Variants in ERCC1 observed in about 807,000 individuals in gnomAD.
ERCC1 encodes DNA excision repair protein ERCC-1.
A neutral mutation model predicts 37.6 loss-of-function variants in ERCC1; 36 were observed. The observed-to-expected ratio is 0.96, with a 90% confidence interval of 0.73 to 1.26. ERCC1 has a LOEUF of 1.26. Ranked by LOEUF, ERCC1 falls within the 50% of genes most tolerant of loss-of-function variation. ERCC1 has a pLI of 0.00. For synonymous variants in ERCC1, 156 were observed against 162.1 expected, an observed-to-expected ratio of 0.96 and a Z score of 0.28; for missense variants, 349 against 376.5, an observed-to-expected ratio of 0.93 and a Z score of 0.60.
At chr19:45,434,194 G>C (rs1195157188) in intron 1 of ERCC1, among the ~76,000 whole-genome samples, 1 of 146,614 alleles carries the variant, frequency 6.8e-6, no homozygotes, top group East Asian at 2.0e-4. Context: ...AAGAAGAAGA[G>C]ACCTGTCCAT....
chr19:45,411,524 T>C (rs1973736697), intron 9 of ERCC1, among the ~76,000 whole-genome samples: 1 of 152,106 alleles, frequency 6.6e-6, no homozygotes, highest in Admixed American at 6.6e-5. Flanking sequence ...CCGGGCACCA[T>C]GGCTCACACC....
At chr19:45,427,474 G>T (rs2123559055), upstream of ERCC1, among the ~76,000 whole-genome samples, 1 of 152,166 alleles carries the variant, frequency 6.6e-6, no homozygotes, top group African/African-American at 2.4e-5. Flanking sequence ...AATTAGCCGG[G>T]CGTGGTGGCG....
chr19:45,417,177 G>A (rs1974117744), intron 5 of ERCC1, among the ~76,000 whole-genome samples: 1 of 152,192 alleles, frequency 6.6e-6, no homozygotes, highest in South Asian at 2.1e-4. Context: ...TCACCCAATT[G>A]TCACTCTCTA....
At chr19:45,413,791 T>G in intron 8 of ERCC1, 46 bp from the exon 9 acceptor site, 1 of 1,610,528 alleles carries the variant, frequency 6.2e-7, no homozygotes, top group Non-Finnish European at 8.5e-7. Flanking sequence ...CACAAAAGCC[T>G]CCCCTGTCCC....
At chr19:45,432,204 T>C (rs1367764494) in intron 1 of ERCC1, among the ~76,000 whole-genome samples, 1 of 151,910 alleles carries the variant, frequency 6.6e-6, no homozygotes. Flanking sequence ...TCTCCTGACC[T>C]CATGATCCAC....
upstream of ERCC1, among the ~76,000 whole-genome samples, chr19:45,428,088 T>C (rs574820166): frequency 3.9e-4 from 56 of 141,804 alleles, no homozygotes; most frequent in East Asian, 0.01. Context: ...TCTTTCTTTT[T>C]TTTTTTTTTT....
chr19:45,426,068 A>C (rs1461647768), upstream of ERCC1, among the ~76,000 whole-genome samples: 3 of 151,690 alleles, frequency 2.0e-5, no homozygotes, highest in African/African-American at 7.3e-5. Flanking sequence ...ACATGGAGAA[A>C]TCCTATCTCT....
intron 2 of ERCC1, 143 bp downstream of exon 2, chr19:45,423,127 T>G: frequency 5.3e-6 from 4 of 754,744 alleles, no homozygotes; most frequent in Non-Finnish European, 8.7e-6. Flanking sequence ...AACTGGGACC[T>G]GGGGAGGACC....
chr19:45,414,766 G>T (rs1973950566), intron 7 of ERCC1, 95 bp downstream of exon 7: 3 of 870,638 alleles, frequency 3.4e-6, no homozygotes, highest in Non-Finnish European at 5.9e-6. Context: ...GAGGCCCAGG[G>T]ATGAATGGAC....
chr19:45,440,250 C>G (rs576217746), intron 1 of ERCC1, among the ~76,000 whole-genome samples: 4 of 152,000 alleles, frequency 2.6e-5, no homozygotes, highest in African/African-American at 9.6e-5. Flanking sequence ...ACACCCCCAG[C>G]GATGTCCCCC....
At chr19:45,418,955 T>A (rs1416345007) in intron 5 of ERCC1, 143 bp downstream of exon 5, 2 of 696,438 alleles carry the variant, frequency 2.9e-6, no homozygotes, top group Non-Finnish European at 5.2e-6. Context: ...GCCAACATAA[T>A]GTCTTGGTGA....
chr19:45,448,315 C>A lies in ERCC1; in HGVS notation c.-7-24934G>T, dbSNP rs566667473. Among the ~76,000 whole-genome samples the A allele has an allele frequency of 9.9e-5, 15 of 152,250 alleles. No individual in the cohort carries two copies. The South Asian group carries it at 3.1e-3, about 32-fold the overall frequency. The stretch of plus-strand genomic sequence containing the variant: ...TTACAGACAGAGAAGAGTCAAGGCC[C>A]AGAGAGCAGACAGCTCACCCCAACA... On this transcript the variant is annotated intron_variant, in intron 1 of 8. Coordinates refer to the ERCC1 transcript ENST00000423698.
intron 4 of ERCC1, chr19:45,419,531 G>C (rs1354747379): frequency 5.6e-6 from 2 of 354,702 alleles, no homozygotes; most frequent in Non-Finnish European, 1.1e-5. Context: ...GCTCGCGGTG[G>C]GAAGCAGGGC....
At position 45,443,408 on chromosome 19, in the gene ERCC1, C is replaced by T. The variant is rs1020181405; in HGVS notation, c.-7-20027G>A. Among the ~76,000 whole-genome samples, 5 of 152,190 alleles carry T rather than the reference C, an allele frequency of 3.3e-5. No individual in the cohort carries two copies. In the East Asian group the frequency reaches 7.7e-4, roughly 23 times the overall value. ...GTTTACCCTCGCGGTCATTGGGCTGCTTCAACCAAGGGGATCGCTAAGAAC... is the reference window on the plus strand; with the variant it reads ...GTTTACCCTCGCGGTCATTGGGCTGTTTCAACCAAGGGGATCGCTAAGAAC... On this transcript the variant is annotated intron_variant, in intron 1 of 8. Transcript: ENST00000423698.
intron 2 of ERCC1, among the ~76,000 whole-genome samples, chr19:45,422,020 T>C (rs1974466568): frequency 6.6e-6 from 1 of 151,718 alleles, no homozygotes; most frequent in Non-Finnish European, 1.5e-5. Context: ...TTCAGCCACT[T>C]CTCCCCCACT....
intron 1 of ERCC1, among the ~76,000 whole-genome samples, chr19:45,434,073 G>C (rs12979410): frequency 0.18 from 27,279 of 149,612 alleles, 2,772 homozygotes; most frequent in East Asian, 0.44. Flanking sequence ...GAACCCGAGA[G>C]GCAGAGGTTG....
chr19:45,408,383 C>T lies in ERCC1; in HGVS notation c.*1292G>A. The stretch of plus-strand genomic sequence containing the variant: ...GCAGCCCATCCCAGCAAGTCCCCCA[C>T]CACAGATCCCTCCTGGCCTGAGGCC... On this transcript the variant is annotated 3_prime_UTR_variant, in exon 10 of 10. Coordinates refer to ENST00000300853, the MANE Select transcript of ERCC1 (RefSeq NM_001983.4). The T allele has an allele frequency of 1.2e-6, 2 of 1,610,844 alleles. No individual in the cohort carries two copies. Among genetic ancestry groups the T allele is most frequent in the African/African-American group, 1.3e-5 (1 of 75,012 alleles).
intron 1 of ERCC1, chr19:45,436,525 C>G (rs913121751): frequency 3.9e-5 from 6 of 152,234 alleles, no homozygotes; most frequent in African/African-American, 1.4e-4. Flanking sequence ...ACTCGTGAGG[C>G]TGAGGCAGGA....
At chr19:45,425,765 C>G (rs1974674198), upstream of ERCC1, among the ~76,000 whole-genome samples, 1 of 152,192 alleles carries the variant, frequency 6.6e-6, no homozygotes, top group Admixed American at 6.6e-5. Context: ...CTCCACTGTT[C>G]TGAAATTCTA....
Sources: allele counts gnomAD v4.1 joint callset (sites outside exome capture counted in the v4.1 genomes callset), GRCh38; gene constraint gnomAD v4.1.1; transcripts MANE v1.5; gene names NCBI Gene and HGNC (gene_info 2026-07-23, HGNC 2026-07-21).